Variants in DMD observed in about 807,000 individuals in gnomAD.
The protein encoded by DMD is mutant dystrophin.
DMD carries 63 observed loss-of-function variants against 330.1 expected under a neutral mutation model. The ratio of observed to expected loss-of-function variants is 0.19; its 90% CI spans 0.16 to 0.24. The LOEUF is 0.24. Among genes scored for constraint, DMD ranks in the 10% least tolerant of loss-of-function variants. The pLI, the probability that DMD is intolerant of heterozygous loss-of-function variation, is 1.00. For missense variants in DMD, 3,344 were observed against 2,684.1 expected (o/e 1.25, Z -5.43); for synonymous variants, 1,223 against 959.8 (o/e 1.27, Z -5.07).
At position 32,087,096 on chromosome X, in the gene DMD, GAA is replaced by G. The variant is rs751229611; in HGVS notation, c.6439-118584_6439-118583del. On this transcript the variant is annotated intron_variant, in intron 44 of 78. Coordinates refer to ENST00000357033, the MANE Select transcript of DMD (RefSeq NM_004006.3). ...CCACCACTCCCTTTCTAATGACTAG[GAA>G]AGAGTATAATGTAAAATAAAAAATT... 3.6e-5 allele frequency among the ~76,000 whole-genome samples: 4 copies of G among 111,630 alleles called. No individual in the cohort carries two copies. The East Asian group carries it at 1.1e-3, about 32-fold the overall frequency.
intron 74 of DMD, among the ~76,000 whole-genome samples, chrX:31,165,432 G>A (rs2039313515): frequency 8.9e-6 from 1 of 111,891 alleles, no homozygotes; most frequent in South Asian, 3.7e-4. Flanking sequence ...TAGCCACCTT[G>A]TTGACTTGAG....
At chrX:31,233,749 C>T (rs1214654289) in intron 63 of DMD, among the ~76,000 whole-genome samples, 3 of 112,006 alleles carry the variant, frequency 2.7e-5, no homozygotes, top group Admixed American at 9.4e-5. Context: ...ACCGCCGTCT[C>T]GGCTTACTTA....
chrX:31,432,028 T>C (rs1182631852), intron 60 of DMD, among the ~76,000 whole-genome samples: 1 of 110,749 alleles, frequency 9.0e-6, no homozygotes, highest in Non-Finnish European at 1.9e-5. Context: ...TTGGTCAGGC[T>C]GGTCTCGAAC....
At chrX:32,880,155 C>A (rs2083778424) in intron 2 of DMD, among the ~76,000 whole-genome samples, 2 of 110,778 alleles carry the variant, frequency 1.8e-5, no homozygotes, top group South Asian at 7.7e-4. Flanking sequence ...TTGCCCATAT[C>A]CCAAAACCTC....
At chrX:32,743,032 G>A (rs1008194235) in intron 7 of DMD, among the ~76,000 whole-genome samples, 1 of 110,945 alleles carries the variant, frequency 9.0e-6, no homozygotes, top group Non-Finnish European at 1.9e-5. Flanking sequence ...TGAGTCCTTC[G>A]CATTTCAGTG....
At chrX:32,733,686 G>C (rs5972655) in intron 7 of DMD, among the ~76,000 whole-genome samples, 1 of 111,058 alleles carries the variant, frequency 9.0e-6, no homozygotes, top group Non-Finnish European at 1.9e-5. Flanking sequence ...TGAAATGAAG[G>C]CAGAAATAAA....
Position 33,211,276 on chromosome X carries a change from A to T in DMD, c.31+6T>A. 1 of 1,208,790 alleles carries T rather than the reference A, an allele frequency of 8.3e-7. No individual in the cohort carries two copies. Among genetic ancestry groups the T allele is most frequent in the Non-Finnish European group, 1.1e-6 (1 of 893,761 alleles). On this transcript the variant is annotated splice_donor_region_variant and intron_variant, in intron 1 of 78. Coordinates refer to ENST00000357033, the MANE Select transcript of DMD (RefSeq NM_004006.3). ...TAAAATATATTTTTAGTTACTTTGT[A>T]CTTACAACAGTCCTCTACTTCTTCC...
intron 44 of DMD, among the ~76,000 whole-genome samples, chrX:32,054,117 G>A (rs1390068179): frequency 9.4e-6 from 1 of 105,979 alleles, no homozygotes; most frequent in Non-Finnish European, 1.9e-5. Flanking sequence ...GAGAGAGAGA[G>A]AGAGAGAGAG....
intron 9 of DMD, among the ~76,000 whole-genome samples, chrX:32,680,888 T>A (rs762353908): frequency 1.8e-5 from 2 of 110,527 alleles, no homozygotes; most frequent in African/African-American, 6.6e-5. Context: ...GAGACGGGAG[T>A]GGGGGTAACA....
chrX:32,626,233 G>A (rs1052476181), intron 11 of DMD, among the ~76,000 whole-genome samples: 10 of 111,654 alleles, frequency 9.0e-5, no homozygotes, highest in African/African-American at 3.3e-4. Flanking sequence ...CATTTTGGGA[G>A]GCCGAGGTGG....
intron 2 of DMD, among the ~76,000 whole-genome samples, chrX:33,012,155 C>A (rs1482436258): frequency 9.0e-6 from 1 of 111,623 alleles, no homozygotes; most frequent in Non-Finnish European, 1.9e-5. Context: ...CTATCACAAT[C>A]CATTTTTGTC....
At chrX:32,144,093 C>T (rs886288477) in intron 44 of DMD, among the ~76,000 whole-genome samples, 1 of 111,757 alleles carries the variant, frequency 8.9e-6, no homozygotes, top group African/African-American at 3.3e-5. Flanking sequence ...TCACAATGTT[C>T]TATGGAAATC....
intron 1 of DMD, among the ~76,000 whole-genome samples, chrX:33,297,990 T>C (rs975091750): frequency 9.0e-6 from 1 of 111,272 alleles, no homozygotes. Context: ...TGCCCGGTGA[T>C]GGATATGTTA....
intron 2 of DMD, among the ~76,000 whole-genome samples, chrX:32,921,845 A>C (rs1353254964): frequency 9.0e-6 from 1 of 111,454 alleles, no homozygotes; most frequent in Non-Finnish European, 1.9e-5. Context: ...CCATGCACCC[A>C]TCCATCCATT....
At chrX:32,919,264 T>C (rs7061383) in intron 2 of DMD, among the ~76,000 whole-genome samples, 7,708 of 111,300 alleles carry the variant, frequency 0.069, 274 homozygotes, top group African/African-American at 0.15. Flanking sequence ...CTATGGCAAA[T>C]AGTGTTGGTT....
intron 62 of DMD, among the ~76,000 whole-genome samples, chrX:31,265,651 A>G (rs1309482870): frequency 1.8e-5 from 2 of 110,357 alleles, no homozygotes; most frequent in Non-Finnish European, 3.8e-5. Context: ...CAAGGGTCAG[A>G]GACCTTTCAT....
At chrX:33,087,816 C>G (rs1285383228) in intron 1 of DMD, among the ~76,000 whole-genome samples, 1 of 111,518 alleles carries the variant, frequency 9.0e-6, no homozygotes, top group Non-Finnish European at 1.9e-5. Context: ...TGTAGCTACC[C>G]TCACCTTCTT....
At chrX:32,403,129 A>C (rs1318235393) in intron 30 of DMD, among the ~76,000 whole-genome samples, 1 of 112,088 alleles carries the variant, frequency 8.9e-6, no homozygotes, top group Admixed American at 9.5e-5. Flanking sequence ...AGATTTAACA[A>C]TCACGATAAA....
intron 55 of DMD, among the ~76,000 whole-genome samples, chrX:31,574,660 T>C (rs1442078613): frequency 9.0e-6 from 1 of 111,416 alleles, no homozygotes; most frequent in African/African-American, 3.3e-5. Context: ...ATGACTTCTC[T>C]GGGAGTTTAA....
Sources: gnomAD v4.1 joint callset for allele counts (sites outside exome capture counted in the v4.1 genomes callset) on GRCh38, gnomAD v4.1.1 for gene constraint, MANE v1.5 for transcripts, NCBI Gene and HGNC (gene_info 2026-07-23, HGNC 2026-07-21) for gene names.